ATP6V1A: variants seen among roughly 807,000 people sequenced by gnomAD.
The protein encoded by ATP6V1A is V-type proton ATPase catalytic subunit A.
In ATP6V1A, 18 loss-of-function variants were observed where a neutral mutation model predicts 70.1. The observed-to-expected ratio is 0.26, with a 90% CI of 0.18 to 0.38. The LOEUF is 0.38. Ranked by LOEUF, ATP6V1A falls within the 10% of genes least tolerant of loss-of-function variation. The pLI is 1.00. For missense variants in ATP6V1A, 424 were observed against 772.4 expected (o/e 0.55, Z 5.35); for synonymous variants, 232 against 253.8 (o/e 0.91, Z 0.82).
rs756066867 is a variant in ATP6V1A, at chr3:113,795,863, T to C, written c.1227-13T>C. On this transcript the variant is annotated splice_polypyrimidine_tract_variant and intron_variant, in intron 10 of 14. Transcript: ENST00000273398. ...CATTTTTTTTGTAATGACCATATTTTTTTTAAATTTAGAGTTTCTCCACCT... is the reference window on the plus strand; with the variant it reads ...CATTTTTTTTGTAATGACCATATTTCTTTTAAATTTAGAGTTTCTCCACCT... 18 of 1,601,428 alleles carry C rather than the reference T, an allele frequency of 1.1e-5. No individual in the cohort carries two copies. In the South Asian group the frequency reaches 2.0e-4, roughly 18 times the overall value.
At chr3:113,789,434 G>T (rs1275795698) in intron 7 of ATP6V1A, among the ~76,000 whole-genome samples, 1 of 152,108 alleles carries the variant, frequency 6.6e-6, no homozygotes, top group Non-Finnish European at 1.5e-5. Flanking sequence ...ATGAAATAAA[G>T]AAATAAAACA....
intron 1 of ATP6V1A, among the ~76,000 whole-genome samples, chr3:113,767,516 G>A (rs1399699296): frequency 3.3e-5 from 5 of 152,144 alleles, no homozygotes; most frequent in African/African-American, 7.2e-5. Flanking sequence ...ACTTGAATCC[G>A]TACATCAGTT....
intron 13 of ATP6V1A, 78 bp from the exon 14 acceptor site, chr3:113,805,276 C>A: frequency 7.4e-7 from 1 of 1,350,182 alleles, no homozygotes; most frequent in Non-Finnish European, 1.0e-6. Context: ...GAAACTAATG[C>A]TCTAGTAGTT....
chr3:113,787,142 G>T (rs889160548), intron 6 of ATP6V1A, among the ~76,000 whole-genome samples: 1 of 152,114 alleles, frequency 6.6e-6, no homozygotes, highest in African/African-American at 2.4e-5. Flanking sequence ...AAATAACTGG[G>T]ATAACATTTG....
intron 6 of ATP6V1A, among the ~76,000 whole-genome samples, chr3:113,788,049 T>C (rs2108032744): frequency 6.6e-6 from 1 of 152,278 alleles, no homozygotes; most frequent in South Asian, 2.1e-4. Context: ...GCCTTCTGAA[T>C]AGCTAGGCCA....
intron 1 of ATP6V1A, among the ~76,000 whole-genome samples, chr3:113,768,662 C>G (rs981403106): frequency 6.9e-6 from 1 of 144,054 alleles, no homozygotes; most frequent in Non-Finnish European, 1.5e-5. Context: ...GTGGCGCAAT[C>G]TCGGCTCAGT....
At chr3:113,804,095 G>A (rs1709249883) in intron 13 of ATP6V1A, among the ~76,000 whole-genome samples, 1 of 151,746 alleles carries the variant, frequency 6.6e-6, no homozygotes, top group African/African-American at 2.4e-5. Flanking sequence ...CCTCCTGACA[G>A]TTCTCCCACC....
chr3:113,758,858 T>C (rs1708672586), intron 1 of ATP6V1A, among the ~76,000 whole-genome samples: 1 of 152,260 alleles, frequency 6.6e-6, no homozygotes, highest in Admixed American at 6.5e-5. Flanking sequence ...TTTAAACTTT[T>C]AGCCATTCTG....
intron 1 of ATP6V1A, among the ~76,000 whole-genome samples, chr3:113,756,900 C>A (rs1292642214): frequency 6.6e-6 from 1 of 152,136 alleles, no homozygotes; most frequent in Non-Finnish European, 1.5e-5. Flanking sequence ...TGGGTCCTTT[C>A]TTGTGAAAAG....
At chr3:113,787,493 T>C (rs1709050279) in intron 6 of ATP6V1A, among the ~76,000 whole-genome samples, 2 of 152,212 alleles carry the variant, frequency 1.3e-5, no homozygotes, top group South Asian at 4.1e-4. Context: ...ATTTTTGGCT[T>C]AAGCCTCTCT....
At position 113,781,143 on chromosome 3, in the gene ATP6V1A, G is replaced by T; in HGVS notation, c.176G>T (p.Gly59Val). ...ELVGEIIRLE[G>V]DMATIQVYEE... ...GTTGGAGAGATTATTCGATTGGAGG[G>T]TGACATGGCTACTATTCAGGTGTAT... Residue 59 changes from glycine (G) to valine (V), a missense_variant, in exon 3 of 15, where the codon GGT becomes GTT. Transcript: ENST00000273398. The T allele has an allele frequency of 6.2e-7, 1 of 1,613,782 alleles. No homozygotes were observed. Among genetic ancestry groups the T allele is most frequent in the Non-Finnish European group, 8.5e-7 (1 of 1,179,768 alleles).
At chr3:113,788,469 G>A (rs1241982744) in intron 6 of ATP6V1A, among the ~76,000 whole-genome samples, 1 of 151,500 alleles carries the variant, frequency 6.6e-6, no homozygotes, top group Non-Finnish European at 1.5e-5. Context: ...AGAGTAGCTG[G>A]GATTACAGGC....
chr3:113,758,748 A>C (rs1196280097), intron 1 of ATP6V1A, among the ~76,000 whole-genome samples: 2 of 152,216 alleles, frequency 1.3e-5, no homozygotes, highest in African/African-American at 4.8e-5. Flanking sequence ...GAAACTGCCA[A>C]ACTGTTTTCC....
At position 113,811,125 on chromosome 3, in the gene ATP6V1A, T is replaced by G. The variant is rs1168493757; in HGVS notation, c.*1698T>G. 1 of 152,192 alleles carries G rather than the reference T, an allele frequency of 6.6e-6. No individual in the cohort carries two copies. Among genetic ancestry groups the G allele is most frequent in the Non-Finnish European group, 1.5e-5 (1 of 68,034 alleles). The allele number at this position is 152,192 out of a possible 1,614,324, so 9.4% of individuals were successfully genotyped here. A position where few individuals can be genotyped will look rare whatever the true frequency, so the allele number is the denominator to read the frequency against. ...AGTGCTGGCACCGTTGCTTCCTCTT[T>G]GGGAAGAGGAAAGGGTGTGTGAACA... On this transcript the variant is annotated 3_prime_UTR_variant, in exon 15 of 15. Transcript: ENST00000273398.
intron 1 of ATP6V1A, among the ~76,000 whole-genome samples, chr3:113,764,825 A>G (rs943035082): frequency 7.9e-5 from 12 of 152,030 alleles, no homozygotes; most frequent in African/African-American, 2.7e-4. Flanking sequence ...TAATCCCAGC[A>G]CTGTAATCAT....
Position 113,803,842 on chromosome 3 carries a change from C to T in ATP6V1A, c.1589+165C>T, listed in dbSNP as rs77750769. 8.7e-3 allele frequency among the ~76,000 whole-genome samples: 1,329 copies of T among 152,294 alleles called. 14 individuals are homozygous for T. Among genetic ancestry groups the T allele is most frequent in the African/African-American group, 0.029 (1,188 of 41,548 alleles). ...TAGTAGACATGATCTAATATGTCCCCTATCTTGATTTGCTCATTTGTCCAA... is the reference window on the plus strand; with the variant it reads ...TAGTAGACATGATCTAATATGTCCCTTATCTTGATTTGCTCATTTGTCCAA... On this transcript the variant is annotated intron_variant, in intron 13 of 14. Coordinates refer to ENST00000273398, the MANE Select transcript of ATP6V1A (RefSeq NM_001690.4).
chr3:113,747,186 G>A (rs1487089660), intron 1 of ATP6V1A, 73 bp downstream of exon 1: 1 of 152,494 alleles, frequency 6.6e-6, no homozygotes, highest in Non-Finnish European at 1.5e-5. Context: ...GGAGAGAAGG[G>A]AGAGTGTGAA....
intron 14 of ATP6V1A, among the ~76,000 whole-genome samples, chr3:113,805,885 G>A (rs1709270831): frequency 1.3e-5 from 2 of 152,156 alleles, no homozygotes; most frequent in South Asian, 4.1e-4. Context: ...AACCTGGGCT[G>A]TAAAACTTGC....
chr3:113,792,684 A>G (rs148821187), intron 8 of ATP6V1A, among the ~76,000 whole-genome samples: 1,714 of 152,264 alleles, frequency 0.011, 33 homozygotes, highest in Admixed American at 0.036. Flanking sequence ...ATTCCTGCCA[A>G]TACAGCTGCT....
Sources: gnomAD v4.1 joint callset for allele counts (sites outside exome capture counted in the v4.1 genomes callset) on GRCh38, gnomAD v4.1.1 for gene constraint, MANE v1.5 for transcripts, NCBI Gene and HGNC (gene_info 2026-07-23, HGNC 2026-07-21) for gene names.